Variants in PCDHGB2 observed in about 807,000 individuals in gnomAD.
The protein encoded by PCDHGB2 is protocadherin gamma subfamily B, 2.
PCDHGB2 carries 55 observed loss-of-function variants against 59.3 expected under a neutral mutation model. That is an observed-to-expected ratio of 0.93 (90% CI 0.75 to 1.16). The LOEUF (loss-of-function observed/expected upper bound fraction) is 1.16. PCDHGB2 is among the 50% of genes most tolerant of loss of function. The pLI is 0.00. For synonymous variants in PCDHGB2, 516 were observed against 512.0 expected, an observed-to-expected ratio of 1.01 and a Z score of -0.11; for missense variants, 1,228 against 1,198.5, an observed-to-expected ratio of 1.02 and a Z score of -0.36.
intron 2 of PCDHGB2, among the ~76,000 whole-genome samples, chr5:141,504,802 C>G (rs370355030): frequency 6.6e-6 from 1 of 152,030 alleles, no homozygotes; most frequent in East Asian, 1.9e-4. Context: ...ACATCTCCCC[C>G]TAGGTACCTC....
intron 1 of PCDHGB2, among the ~76,000 whole-genome samples, chr5:141,482,314 A>G (rs1279804501): frequency 6.6e-6 from 1 of 152,180 alleles, no homozygotes; most frequent in Admixed American, 6.5e-5. Flanking sequence ...TTCCTCATCT[A>G]TAAAATAAAG....
chr5:141,485,497 T>C lies in PCDHGB2; in HGVS notation c.2422-9310T>C, dbSNP rs1594488328. On this transcript the variant is annotated intron_variant, in intron 1 of 3. Coordinates refer to ENST00000522605, the MANE Select transcript of PCDHGB2 (RefSeq NM_018923.3). The surrounding 1 kb of genome is among the most constrained non-coding windows in gnomAD (Gnocchi z 5.7). ...CCAGCTGCATCGTGCCCCTGGAGTT[T>C]GTCACCGAAGGTCCTTTGGAAATGT... 6.2e-7 allele frequency: 1 copy of C among 1,614,112 alleles called. No homozygotes were observed. The highest frequency in any genetic ancestry group is 1.3e-5 in the African/African-American group (1 of 74,998).
At chr5:141,375,704 C>T in intron 1 of PCDHGB2, 2 of 1,614,268 alleles carry the variant, frequency 1.2e-6, no homozygotes, top group Non-Finnish European at 1.7e-6. Flanking sequence ...CGGGGACCCG[C>T]CTCTTAGCAG....
chr5:141,419,943 C>G (rs2096450865), intron 1 of PCDHGB2: 4 of 1,614,070 alleles, frequency 2.5e-6, no homozygotes, highest in Non-Finnish European at 3.4e-6. Flanking sequence ...CTGGTGGTGG[C>G]CTTGGCCTTG....
chr5:141,484,653 C>G (rs2099598614), intron 1 of PCDHGB2, among the ~76,000 whole-genome samples: 1 of 152,036 alleles, frequency 6.6e-6, no homozygotes, highest in Non-Finnish European at 1.5e-5. Flanking sequence ...AATGGCTACT[C>G]TCCCTCTCAG....
chr5:141,410,447 C>A, intron 1 of PCDHGB2: 1 of 1,613,984 alleles, frequency 6.2e-7, no homozygotes, highest in Non-Finnish European at 8.5e-7. Context: ...GGGGACTTTG[C>A]CTTATTCTTA....
chr5:141,481,401 CT>C (rs2099537157), intron 1 of PCDHGB2, among the ~76,000 whole-genome samples: 1 of 152,204 alleles, frequency 6.6e-6, no homozygotes, highest in African/African-American at 2.4e-5. Flanking sequence ...TGACAAAATT[CT>C]TGTATAATTA....
At position 141,498,920 on chromosome 5, in the gene PCDHGB2, G is replaced by A. The variant is rs930391165; in HGVS notation, c.2480+4055G>A. On this transcript the variant is annotated intron_variant, in intron 2 of 3. Transcript: ENST00000522605. ...TGCACTCCAGTCTGGGTGACAGAGC[G>A]AGACTCCATCAGGAAAGAAAGAAAG... 3.3e-4 allele frequency among the ~76,000 whole-genome samples: 47 copies of A among 142,950 alleles called. 1 individual carries two copies. Among genetic ancestry groups the A allele is most frequent in the African/African-American group, 8.9e-4 (35 of 39,160 alleles). The allele number at this position is 142,950 out of a possible 152,430, so 93.8% of individuals were successfully genotyped here. A position where few individuals can be genotyped will look rare whatever the true frequency, so the allele number is the denominator to read the frequency against.
intron 3 of PCDHGB2, among the ~76,000 whole-genome samples, chr5:141,506,485 A>C (rs2154593953): frequency 6.6e-6 from 1 of 150,572 alleles, no homozygotes; most frequent in East Asian, 2.0e-4. Flanking sequence ...CTTTAGAGGC[A>C]GGCCAATCTG....
intron 1 of PCDHGB2, chr5:141,376,371 C>T: frequency 1.2e-6 from 2 of 1,614,196 alleles, no homozygotes; most frequent in African/African-American, 1.3e-5. Flanking sequence ...ACTGCAGACT[C>T]GCGTAAGAGT....
chr5:141,413,446 G>T, intron 1 of PCDHGB2: 4 of 1,614,130 alleles, frequency 2.5e-6, no homozygotes, highest in Non-Finnish European at 3.4e-6. Context: ...CTTGATCACC[G>T]CGGGCAGGAT....
intron 1 of PCDHGB2, among the ~76,000 whole-genome samples, chr5:141,368,964 A>G (rs531722915): frequency 3.9e-5 from 6 of 152,320 alleles, no homozygotes; most frequent in African/African-American, 1.4e-4. Flanking sequence ...TTAAGATGCT[A>G]TAATGCTTTT....
intron 2 of PCDHGB2, among the ~76,000 whole-genome samples, chr5:141,504,651 G>A (rs905210723): frequency 8.4e-6 from 1 of 119,750 alleles, no homozygotes; most frequent in Non-Finnish European, 1.6e-5. Flanking sequence ...ATGATAGAGT[G>A]TTTGAGGGCG....
intron 1 of PCDHGB2, chr5:141,409,008 A>G (rs2095209237): frequency 6.2e-7 from 1 of 1,613,898 alleles, no homozygotes; most frequent in African/African-American, 1.3e-5. Context: ...GCCACTGACC[A>G]GGATGAGGGG....
At chr5:141,498,881 T>C (rs9686648) in intron 2 of PCDHGB2, among the ~76,000 whole-genome samples, 77,838 of 149,554 alleles carry the variant, frequency 0.52, 20,828 homozygotes, top group African/African-American at 0.65. Flanking sequence ...TGCAGTGAGC[T>C]GAGATCACAC....
At chr5:141,392,885 G>C in intron 1 of PCDHGB2, 1 of 1,613,654 alleles carries the variant, frequency 6.2e-7, no homozygotes, top group Non-Finnish European at 8.5e-7. Flanking sequence ...GAACGCTGTG[G>C]GAAATCGGGA....
At position 141,399,393 on chromosome 5, in the gene PCDHGB2, C is replaced by G. The variant is rs762678347; in HGVS notation, c.2421+36837C>G. 28 of 1,613,976 alleles carry G rather than the reference C, an allele frequency of 1.7e-5. No homozygotes were observed. In the Middle Eastern group the frequency reaches 2.8e-3, roughly 162 times the overall value. ...ACAATGTCACCATCACAGCCACAGA[C>G]AGGGGCAAGCCGCCCCTCTCCTCCA... On this transcript the variant is annotated intron_variant, in intron 1 of 3. Transcript: ENST00000522605.
At position 141,362,021 on chromosome 5, in the gene PCDHGB2, C is replaced by T. The variant is rs1233254898; in HGVS notation, c.1886C>T (p.Ala629Val). The change falls in exon 1 of 4, where the codon GCG becomes GTG. Residue 629 changes from alanine (A) to valine (V), a missense_variant. Physicochemically the swap from Ala to Val is moderately conservative, Grantham distance 64 (BLOSUM62 0). This residue lies in a region of PCDHGB2 where 433 missense variants were observed against 441.8 expected (regional missense o/e 0.98). Coordinates refer to ENST00000522605, the MANE Select transcript of PCDHGB2 (RefSeq NM_018923.3). ...LGLRTGEVRT[A>V]RALGDRDAAR... ...TTGCGCACGGGTGAGGTGCGCACAG[C>T]GCGTGCCTTGGGCGACAGGGACGCG... 1 of 1,607,220 alleles carries T rather than the reference C, an allele frequency of 6.2e-7. No individual in the cohort carries two copies. Among genetic ancestry groups the T allele is most frequent in the South Asian group, 1.1e-5 (1 of 90,868 alleles).
Position 141,486,226 on chromosome 5 carries a change from A to G in PCDHGB2, c.2422-8581A>G, listed in dbSNP as rs889500362. 5.0e-6 allele frequency: 8 copies of G among 1,614,012 alleles called. No individual in the cohort carries two copies. The highest frequency in any genetic ancestry group is 6.8e-6 in the Non-Finnish European group (8 of 1,180,018). On this transcript the variant is annotated intron_variant, in intron 1 of 3. Transcript: ENST00000522605. This position sits in a 1 kb window ranked among gnomAD's most constrained non-coding sequence, Gnocchi z 5.0. ...TAAATGACAATGCCCCTTACATCACAGTGACCTCAGAGCTTGGAACCCTCC... is the reference window on the plus strand; with the variant it reads ...TAAATGACAATGCCCCTTACATCACGGTGACCTCAGAGCTTGGAACCCTCC...
Sources: gnomAD v4.1 joint callset for allele counts (sites outside exome capture counted in the v4.1 genomes callset) on GRCh38, gnomAD v4.1.1 for gene constraint, gnomAD v4.1.1 regional missense constraint, Gnocchi (gnomAD v3.1) non-coding constraint, MANE v1.5 for transcripts, NCBI Gene and HGNC (gene_info 2026-07-23, HGNC 2026-07-21) for gene names.